PMFBP1: variants seen among roughly 807,000 people sequenced by gnomAD.
PMFBP1 encodes the protein polyamine-modulated factor 1-binding protein 1.
Under a neutral mutation model 137.8 loss-of-function variants are expected in PMFBP1, and 131 were observed. The observed-to-expected ratio is 0.95, with a 90% confidence interval of 0.82 to 1.10. The LOEUF (loss-of-function observed/expected upper bound fraction) is 1.10. Ranked by LOEUF, PMFBP1 falls within the 50% of genes least tolerant of loss-of-function variation. PMFBP1 has a pLI of 0.00. For missense variants in PMFBP1, 1,199 were observed against 1,175.4 expected, an observed-to-expected ratio of 1.02 and a Z score of -0.29; for synonymous variants, 490 against 450.4, an observed-to-expected ratio of 1.09 and a Z score of -1.11.
chr16:72,130,265 A>C lies in PMFBP1; in HGVS notation c.1730T>G (p.Val577Gly). 1 of 1,614,190 alleles carries C rather than the reference A, an allele frequency of 6.2e-7. No homozygotes were observed. Among genetic ancestry groups the C allele is most frequent in the Non-Finnish European group, 8.5e-7 (1 of 1,180,036 alleles). The change falls in exon 12 of 21, where the codon GTG (valine) becomes GGG (glycine). Residue 577 changes from valine to glycine, a missense_variant. Val to Gly is a moderately radical substitution (Grantham distance 109). Coordinates refer to ENST00000237353, the MANE Select transcript of PMFBP1 (RefSeq NM_031293.3). ...ATTCATTTTCATATCCTGCTCAGCC[A>C]CTGTCTTCTGAAGCTGCCTCTTTTC... ...DKEKRQLQKTVAEQDMKMNDM... is the reference protein window; with the variant it reads ...DKEKRQLQKTGAEQDMKMNDM...
At chr16:72,242,958 T>A in the PMFBP1 span, among the ~76,000 whole-genome samples, 1 of 152,060 alleles carries the variant, frequency 6.6e-6, no homozygotes, top group Non-Finnish European at 1.5e-5. Context: ...TATAACAGGG[T>A]GAGATGTGTT....
chr16:72,192,403 C>A, the PMFBP1 span, among the ~76,000 whole-genome samples: 1 of 152,052 alleles, frequency 6.6e-6, no homozygotes, highest in Non-Finnish European at 1.5e-5. Flanking sequence ...CTAGCTGGTG[C>A]ACGTAGAAGG....
chr16:72,207,710 A>ATGTGTGTGTGTGTGTGTGTGTG, the PMFBP1 span, among the ~76,000 whole-genome samples: 185 of 144,024 alleles, frequency 1.3e-3, no homozygotes, highest in African/African-American at 2.4e-3. Flanking sequence ...CCAGTAGGGC[A>ATGTGTGTGTGTGTGTGTGTGTG]TGTGTGTGTG....
At chr16:72,207,813 A>G in the PMFBP1 span, among the ~76,000 whole-genome samples, 4 of 151,934 alleles carry the variant, frequency 2.6e-5, no homozygotes, top group African/African-American at 9.7e-5. Flanking sequence ...CATGAATATG[A>G]AGGCTAAGTC....
chr16:72,245,285 C>T, the PMFBP1 span, among the ~76,000 whole-genome samples: 3 of 152,162 alleles, frequency 2.0e-5, no homozygotes, highest in African/African-American at 2.4e-5. Flanking sequence ...AAGCACTTTA[C>T]AAGTATTCTA....
Position 72,119,169 on chromosome 16 carries a change from T to C in PMFBP1, c.*169A>G. 1.4e-6 allele frequency: 1 copy of C among 700,146 alleles called. No homozygotes were observed. Among genetic ancestry groups the C allele is most frequent in the Non-Finnish European group, 2.4e-6 (1 of 409,672 alleles). The allele number at this position is 700,146 out of a possible 1,614,324, so 43.4% of individuals were successfully genotyped here. On this transcript the variant is annotated 3_prime_UTR_variant, in exon 21 of 21. Transcript: ENST00000237353. ...TAGTATGGTTCTAAAGCTCACTCCA[T>C]GGCAGGAAGTGGACAAAACTCAACA...
intron 7 of PMFBP1, among the ~76,000 whole-genome samples, chr16:72,137,205 GAGACAGAC>G (rs1421459310): frequency 6.6e-6 from 1 of 152,148 alleles, no homozygotes; most frequent in Non-Finnish European, 1.5e-5. Context: ...CTTCCTCCCT[GAGACAGAC>G]AGTTGTTTAT....
At chr16:72,128,955 C>A in intron 13 of PMFBP1, 111 bp downstream of exon 13, 2 of 1,516,502 alleles carry the variant, frequency 1.3e-6, no homozygotes, top group South Asian at 2.6e-5. Flanking sequence ...CTGTCCCTCC[C>A]GTCTTTCCTA....
chr16:72,205,215 T>C, the PMFBP1 span, among the ~76,000 whole-genome samples: 1 of 152,230 alleles, frequency 6.6e-6, no homozygotes, highest in Non-Finnish European at 1.5e-5. Context: ...AATACTCTTT[T>C]CCCTAATTTC....
chr16:72,170,750 C>G (rs1012147329), intron 2 of PMFBP1, among the ~76,000 whole-genome samples: 2 of 151,994 alleles, frequency 1.3e-5, no homozygotes, highest in African/African-American at 4.8e-5. Context: ...ACAGTTTGAC[C>G]AAAATATTAA....
At chr16:72,224,222 G>A in the PMFBP1 span, among the ~76,000 whole-genome samples, 11 of 152,112 alleles carry the variant, frequency 7.2e-5, no homozygotes, top group Non-Finnish European at 1.5e-4. Flanking sequence ...CATCCTCCAT[G>A]TCCTCTATAT....
chr16:72,182,897 C>T, the PMFBP1 span, among the ~76,000 whole-genome samples: 1 of 152,160 alleles, frequency 6.6e-6, no homozygotes, highest in African/African-American at 2.4e-5. Flanking sequence ...CTGCATCAAC[C>T]AGCTCTCTTA....
chr16:72,206,777 C>CA, the PMFBP1 span, among the ~76,000 whole-genome samples: 1 of 152,148 alleles, frequency 6.6e-6, no homozygotes, highest in South Asian at 2.1e-4. Flanking sequence ...CTAAAAGTAA[C>CA]AATAGCAAAG....
rs752221151 is a variant in PMFBP1 at position 72,171,190 on chromosome 16, G to A, written c.12+7C>T. The A allele has an allele frequency of 6.2e-7, 1 of 1,613,684 alleles. No homozygotes were observed. The highest frequency in any genetic ancestry group is 1.1e-5 in the South Asian group (1 of 91,074). On this transcript the variant is annotated splice_region_variant and intron_variant, in intron 2 of 20. Transcript: ENST00000237353. ...CTCCATGCATGTAGAGGAGTTAGGA[G>A]CCTTACCTCATCTTTCATTTCCTTG...
At chr16:72,120,689 CAATA>C (rs1178283496) in intron 19 of PMFBP1, among the ~76,000 whole-genome samples, 1 of 152,160 alleles carries the variant, frequency 6.6e-6, no homozygotes, top group Non-Finnish European at 1.5e-5. Flanking sequence ...CCCCGTGGCT[CAATA>C]AATAGCAACT....
chr16:72,248,196 T>C, the PMFBP1 span, among the ~76,000 whole-genome samples: 53 of 152,298 alleles, frequency 3.5e-4, no homozygotes, highest in African/African-American at 1.2e-3. Context: ...TGTTTGTTGA[T>C]TTTGTTTTGT....
At chr16:72,141,516 A>T (rs2042722069) in intron 5 of PMFBP1, among the ~76,000 whole-genome samples, 1 of 152,218 alleles carries the variant, frequency 6.6e-6, no homozygotes, top group Admixed American at 6.5e-5. Flanking sequence ...ATATTTACAT[A>T]ATATAAATGA....
intron 10 of PMFBP1, among the ~76,000 whole-genome samples, chr16:72,131,394 C>A (rs1285840002): frequency 6.6e-6 from 1 of 152,058 alleles, no homozygotes; most frequent in East Asian, 1.9e-4. Context: ...GGTTCTTGAG[C>A]AGGAATCTGA....
chr16:72,180,925 T>C (rs1416033513), upstream of PMFBP1, among the ~76,000 whole-genome samples: 46 of 152,126 alleles, frequency 3.0e-4, no homozygotes, highest in Admixed American at 2.7e-3. Flanking sequence ...CACTGCAGCA[T>C]TTGGGTGTGC....
Sources: gnomAD v4.1 joint callset for allele counts (sites outside exome capture counted in the v4.1 genomes callset) on GRCh38, gnomAD v4.1.1 for gene constraint, MANE v1.5 for transcripts, NCBI Gene and HGNC (gene_info 2026-07-23, HGNC 2026-07-21) for gene names.